Variants in CTNNA3 observed in about 807,000 individuals in gnomAD.
The protein encoded by CTNNA3 is catenin alpha-3.
In CTNNA3, 76 loss-of-function variants were observed where a neutral mutation model predicts 95.7. The ratio of observed to expected loss-of-function variants is 0.79; its 90% CI spans 0.66 to 0.96. The LOEUF (loss-of-function observed/expected upper bound fraction) is 0.96, where lower values mean the gene tolerates loss of function less well. Ranked by LOEUF, CTNNA3 falls within the 40% of genes least tolerant of loss-of-function variation. The pLI, the probability that CTNNA3 is intolerant of heterozygous loss-of-function variation, is 0.00. For missense variants in CTNNA3, 1,191 were observed against 1,089.8 expected, an observed-to-expected ratio of 1.09 and a Z score of -1.31; for synonymous variants, 431 against 374.4, an observed-to-expected ratio of 1.15 and a Z score of -1.74.
At chr10:67,417,849 CAT>C (rs1309776454) in intron 5 of CTNNA3, among the ~76,000 whole-genome samples, 1 of 152,098 alleles carries the variant, frequency 6.6e-6, no homozygotes, top group Non-Finnish European at 1.5e-5. Context: ...ATTTTATTGA[CAT>C]ATTGGCGAAG....
At chr10:66,901,908 G>T (rs1331268625) in intron 7 of CTNNA3, among the ~76,000 whole-genome samples, 1 of 152,192 alleles carries the variant, frequency 6.6e-6, no homozygotes, top group East Asian at 1.9e-4. Context: ...AAGAGACTTA[G>T]ACTCCCACAC....
intron 10 of CTNNA3, among the ~76,000 whole-genome samples, chr10:66,535,864 C>A (rs1841634162): frequency 6.6e-6 from 1 of 152,102 alleles, no homozygotes; most frequent in South Asian, 2.1e-4. Context: ...GAATCAAGGA[C>A]AGTCTCAAAT....
At chr10:66,958,493 GATT>G (rs751079867) in intron 7 of CTNNA3, among the ~76,000 whole-genome samples, 4 of 151,856 alleles carry the variant, frequency 2.6e-5, no homozygotes, top group Non-Finnish European at 4.4e-5. Flanking sequence ...ATATAGCTCA[GATT>G]ATTAGCTATC....
In CTNNA3 at chr10:67,621,640, T is replaced by A. The variant is rs572708465; in HGVS notation, c.100-14591A>T. Among the ~76,000 whole-genome samples the A allele has an allele frequency of 7.3e-5, 11 of 151,500 alleles. 1 individual carries two copies. The South Asian group carries it at 2.3e-3, about 32-fold the overall frequency. On this transcript the variant is annotated intron_variant, in intron 2 of 17. Transcript: ENST00000433211. ...GGTGCACGCCTGTAGTCCCAGCTAC[T>A]CAGGAGGCTGAGGCAGAAGAATTGC...
At chr10:66,326,710 C>T (rs1165679232) in intron 12 of CTNNA3, among the ~76,000 whole-genome samples, 3 of 151,772 alleles carry the variant, frequency 2.0e-5, no homozygotes, top group East Asian at 1.9e-4. Context: ...TTGGGGGTAG[C>T]GGGAGATCAG....
At chr10:66,403,391 G>T (rs2093034809) in intron 11 of CTNNA3, among the ~76,000 whole-genome samples, 1 of 152,160 alleles carries the variant, frequency 6.6e-6, no homozygotes, top group Non-Finnish European at 1.5e-5. Context: ...AGTGCCACAT[G>T]GCTGGGGAGG....
chr10:66,020,128 A>G (rs980601188), intron 15 of CTNNA3, among the ~76,000 whole-genome samples: 5 of 152,240 alleles, frequency 3.3e-5, no homozygotes, highest in African/African-American at 9.6e-5. Context: ...AATTGTGTCA[A>G]TAAAAATGGC....
chr10:67,702,019 G>C (rs1023859884), intron 1 of CTNNA3, among the ~76,000 whole-genome samples: 2 of 152,206 alleles, frequency 1.3e-5, no homozygotes, highest in African/African-American at 2.4e-5. Context: ...AAGATCAAAA[G>C]AGACAAAGAA....
Position 66,007,820 on chromosome 10 carries a change from T to C in CTNNA3, c.2160-19023A>G, listed in dbSNP as rs535911490. Among the ~76,000 whole-genome samples the C allele has an allele frequency of 1.5e-5, 2 of 131,980 alleles. 1 individual carries two copies. The highest frequency in any genetic ancestry group is 5.5e-5 in the African/African-American group (2 of 36,070). The allele number at this position is 131,980 out of a possible 152,430, so 86.6% of individuals were successfully genotyped here. On this transcript the variant is annotated intron_variant, in intron 15 of 17. Transcript: ENST00000433211. Reference sequence around the variant, plus strand: ...CTTCCTTCCTCCCTCGCTCCCTCCCTTTCTTCCTTCCTTTCCTCCTCCCTC... The same window carrying C: ...CTTCCTTCCTCCCTCGCTCCCTCCCCTTCTTCCTTCCTTTCCTCCTCCCTC...
At chr10:66,721,184 G>C (rs929946511) in intron 9 of CTNNA3, among the ~76,000 whole-genome samples, 7 of 152,132 alleles carry the variant, frequency 4.6e-5, no homozygotes, top group African/African-American at 9.7e-5. Context: ...CACGGAAAGA[G>C]ACCCAAGGGT....
At chr10:67,322,086 C>A (rs764496565) in intron 5 of CTNNA3, among the ~76,000 whole-genome samples, 11 of 150,092 alleles carry the variant, frequency 7.3e-5, no homozygotes, top group South Asian at 2.1e-4. Flanking sequence ...TGGGTTTCAG[C>A]ATGGGGAGAA....
At chr10:66,172,122 G>A (rs997682813) in intron 13 of CTNNA3, among the ~76,000 whole-genome samples, 6 of 152,096 alleles carry the variant, frequency 3.9e-5, no homozygotes, top group African/African-American at 1.2e-4. Flanking sequence ...CTTATGAGAT[G>A]AAAAGCTAAT....
intron 10 of CTNNA3, among the ~76,000 whole-genome samples, chr10:66,553,896 G>C (rs535262595): frequency 6.6e-6 from 1 of 151,960 alleles, no homozygotes; most frequent in Non-Finnish European, 1.5e-5. Context: ...CCTATGTTTT[G>C]CCAAGCTGAA....
chr10:66,433,213 G>C (rs2093311375), intron 11 of CTNNA3, among the ~76,000 whole-genome samples: 1 of 152,128 alleles, frequency 6.6e-6, no homozygotes, highest in Non-Finnish European at 1.5e-5. Flanking sequence ...AGATCCCTGA[G>C]GAATTGCCAC....
intron 11 of CTNNA3, among the ~76,000 whole-genome samples, chr10:66,403,294 T>C (rs1589198863): frequency 6.6e-6 from 1 of 152,126 alleles, no homozygotes; most frequent in Non-Finnish European, 1.5e-5. Flanking sequence ...CTGGTGTAGA[T>C]ATCTGGTATA....
At chr10:67,214,031 G>T (rs1364108757) in intron 6 of CTNNA3, among the ~76,000 whole-genome samples, 2 of 151,760 alleles carry the variant, frequency 1.3e-5, no homozygotes, top group African/African-American at 4.8e-5. Context: ...TGTTAGATGT[G>T]TTTTTATAAA....
chr10:65,969,564 A>C (rs1263678185), intron 16 of CTNNA3, among the ~76,000 whole-genome samples: 1 of 152,164 alleles, frequency 6.6e-6, no homozygotes, highest in Non-Finnish European at 1.5e-5. Flanking sequence ...GGAAGAGATA[A>C]ACATCTTTAA....
At chr10:67,153,537 T>C (rs2132071931) in intron 7 of CTNNA3, among the ~76,000 whole-genome samples, 1 of 152,370 alleles carries the variant, frequency 6.6e-6, no homozygotes, top group South Asian at 2.1e-4. Context: ...CCCCAGGGCA[T>C]AGAGAAGGTA....
At chr10:67,089,572 C>T (rs1857505398) in intron 7 of CTNNA3, among the ~76,000 whole-genome samples, 1 of 151,890 alleles carries the variant, frequency 6.6e-6, no homozygotes, top group East Asian at 1.9e-4. Context: ...AATCACTTCT[C>T]AGCAATATGG....
Sources: allele counts gnomAD v4.1 joint callset (sites outside exome capture counted in the v4.1 genomes callset), GRCh38; gene constraint gnomAD v4.1.1; transcripts MANE v1.5; gene names NCBI Gene and HGNC (gene_info 2026-07-23, HGNC 2026-07-21).